The following RELN variants were observed in gnomAD, a reference collection of about 807,000 sequenced individuals.
The protein encoded by RELN is reelin.
Under a neutral mutation model 427.6 loss-of-function variants are expected in RELN, and 108 were observed. The observed-to-expected ratio is 0.25, with a 90% CI of 0.22 to 0.30. The LOEUF (loss-of-function observed/expected upper bound fraction) is 0.30. Ranked by LOEUF, RELN falls within the 10% of genes least tolerant of loss-of-function variation. The pLI, the probability that RELN is intolerant of heterozygous loss-of-function variation, is 1.00. For missense variants in RELN, 3,715 were observed against 4,302.8 expected (o/e 0.86, Z 3.82); for synonymous variants, 1,524 against 1,513.4 (o/e 1.01, Z -0.16).
chr7:103,660,268 C>T lies in RELN; in HGVS notation c.1441+1108G>A, dbSNP rs544302903. Among the ~76,000 whole-genome samples, 4 of 152,124 alleles carry T rather than the reference C, an allele frequency of 2.6e-5. No individual in the cohort carries two copies. In the East Asian group the frequency reaches 5.8e-4, roughly 22 times the overall value. On this transcript the variant is annotated intron_variant, in intron 12 of 64. Transcript: ENST00000428762. ...GGAGGGCTTAAGGTTTTCCAGGAAT[C>T]CCTTTTGATAAAATGAGAGCCAGTT... is the stretch of plus-strand genomic sequence containing the variant.
chr7:103,496,064 T>C (rs1040418670), intron 56 of RELN, among the ~76,000 whole-genome samples, 166 bp from the exon 57 acceptor site: 3 of 152,232 alleles, frequency 2.0e-5, no homozygotes, highest in African/African-American at 4.8e-5. Context: ...TTTATTTTAT[T>C]TAACTGGGAT....
intron 2 of RELN, among the ~76,000 whole-genome samples, chr7:103,861,814 TAAGTG>T (rs1794077427): frequency 6.6e-6 from 1 of 152,160 alleles, no homozygotes; most frequent in Non-Finnish European, 1.5e-5. Flanking sequence ...GTGAAATTAC[TAAGTG>T]TAGTATTTTT....
At chr7:103,497,442 T>G (rs1257978748) in intron 55 of RELN, among the ~76,000 whole-genome samples, 6 of 152,154 alleles carry the variant, frequency 3.9e-5, no homozygotes, top group Non-Finnish European at 8.8e-5. Context: ...TTCCATAGAT[T>G]ATAGCATTTA....
intron 10 of RELN, among the ~76,000 whole-genome samples, chr7:103,689,987 G>C (rs1833840461): frequency 6.6e-6 from 1 of 152,070 alleles, no homozygotes; most frequent in South Asian, 2.1e-4. Context: ...ACTGAACATT[G>C]AGCATCCAGG....
intron 2 of RELN, among the ~76,000 whole-genome samples, chr7:103,854,746 G>A (rs1793904084): frequency 6.6e-6 from 1 of 152,292 alleles, no homozygotes; most frequent in Non-Finnish European, 1.5e-5. Context: ...AACAAAGAAC[G>A]TGTCAGGAGG....
chr7:103,475,303 C>G (rs1354800638), intron 64 of RELN, among the ~76,000 whole-genome samples: 1 of 151,922 alleles, frequency 6.6e-6, no homozygotes, highest in Non-Finnish European at 1.5e-5. Context: ...CACAACTAAA[C>G]TTTTGTTGGT....
chr7:103,750,548 C>T (rs1295138962), intron 5 of RELN, among the ~76,000 whole-genome samples: 1 of 152,192 alleles, frequency 6.6e-6, no homozygotes, highest in African/African-American at 2.4e-5. Context: ...ACTGCCCAGA[C>T]AGCGTCAGTG....
chr7:103,597,414 C>A (rs997221127), intron 24 of RELN, among the ~76,000 whole-genome samples: 1 of 152,046 alleles, frequency 6.6e-6, no homozygotes, highest in East Asian at 1.9e-4. Flanking sequence ...ACCAGCCTGG[C>A]CAACATGGTG....
At chr7:103,892,748 C>CT (rs1057121427) in intron 2 of RELN, among the ~76,000 whole-genome samples, 1 of 152,122 alleles carries the variant, frequency 6.6e-6, no homozygotes, top group Admixed American at 6.5e-5. Flanking sequence ...TTAACATACA[C>CT]TTTTATGGTA....
chr7:103,519,804 G>A (rs1362831520), intron 48 of RELN, among the ~76,000 whole-genome samples: 2 of 151,962 alleles, frequency 1.3e-5, no homozygotes, highest in Admixed American at 6.6e-5. Context: ...TAACTCCTGG[G>A]CTCAAATGAT....
intron 8 of RELN, among the ~76,000 whole-genome samples, chr7:103,716,262 G>A (rs1188921201): frequency 6.6e-6 from 1 of 151,988 alleles, no homozygotes; most frequent in African/African-American, 2.4e-5. Context: ...ATTCTCCTCT[G>A]TAGTCTGCAT....
intron 20 of RELN, among the ~76,000 whole-genome samples, chr7:103,612,087 C>T (rs1473500207): frequency 6.6e-6 from 1 of 152,112 alleles, no homozygotes; most frequent in Non-Finnish European, 1.5e-5. Context: ...ACTCATTAAT[C>T]TCACTTCTTG....
At chr7:103,921,887 T>G (rs1370784599) in intron 1 of RELN, among the ~76,000 whole-genome samples, 3 of 152,160 alleles carry the variant, frequency 2.0e-5, no homozygotes, top group Non-Finnish European at 4.4e-5. Flanking sequence ...TGTTAAGGTA[T>G]TCAGGTGCAG....
At chr7:103,787,078 A>G (rs894717893) in intron 3 of RELN, among the ~76,000 whole-genome samples, 1 of 152,018 alleles carries the variant, frequency 6.6e-6, no homozygotes, top group Admixed American at 6.6e-5. Context: ...GGAAACTGAA[A>G]AACCTGCTCC....
At chr7:103,566,154 T>C in intron 33 of RELN, 70 bp downstream of exon 33, 5 of 1,370,438 alleles carry the variant, frequency 3.6e-6, no homozygotes, top group Non-Finnish European at 5.2e-6. Flanking sequence ...GAAAGTTTTC[T>C]CCTGACTTTT....
At chr7:103,479,715 A>C (rs1828163624) in intron 63 of RELN, among the ~76,000 whole-genome samples, 1 of 152,216 alleles carries the variant, frequency 6.6e-6, no homozygotes, top group Non-Finnish European at 1.5e-5. Context: ...CATTTAATTA[A>C]AAATACATTA....
At chr7:103,742,605 G>A (rs962644172) in intron 6 of RELN, among the ~76,000 whole-genome samples, 2 of 152,168 alleles carry the variant, frequency 1.3e-5, no homozygotes, top group African/African-American at 2.4e-5. Context: ...AGGCACGAGA[G>A]CTACATGACG....
intron 3 of RELN, among the ~76,000 whole-genome samples, chr7:103,806,637 T>C (rs1294883528): frequency 6.6e-6 from 1 of 152,118 alleles, no homozygotes; most frequent in African/African-American, 2.4e-5. Flanking sequence ...AAGCACTTCT[T>C]ATGGAAAAAT....
chr7:103,976,350 T>C (rs533840011), intron 1 of RELN, among the ~76,000 whole-genome samples: 1 of 152,256 alleles, frequency 6.6e-6, no homozygotes, highest in East Asian at 1.9e-4. Flanking sequence ...TCTTGGCTTT[T>C]AGCAGAGCAC....
Sources: gnomAD v4.1 joint callset for allele counts (sites outside exome capture counted in the v4.1 genomes callset) on GRCh38, gnomAD v4.1.1 for gene constraint, MANE v1.5 for transcripts, NCBI Gene and HGNC (gene_info 2026-07-23, HGNC 2026-07-21) for gene names.